The following B3GAT2 variants were observed in gnomAD, a reference collection of about 807,000 sequenced individuals.
B3GAT2 encodes beta-1,3-glucuronyltransferase 2.
B3GAT2 carries 26 observed loss-of-function variants against 27.8 expected under a neutral mutation model. The ratio of observed to expected loss-of-function variants is 0.93; its 90% CI spans 0.68 to 1.30. B3GAT2 has a LOEUF of 1.30. Ranked by LOEUF, B3GAT2 falls within the 50% of genes most tolerant of loss-of-function variation. B3GAT2 has a pLI of 0.00. For synonymous variants in B3GAT2, 218 were observed against 195.1 expected (o/e 1.12, Z -0.98); for missense variants, 458 against 459.0 (o/e 1.00, Z 0.02).
chr6:70,927,018 T>C (rs1289910264), intron 1 of B3GAT2, among the ~76,000 whole-genome samples: 3 of 152,300 alleles, frequency 2.0e-5, no homozygotes, highest in Non-Finnish European at 2.9e-5. Flanking sequence ...AGGGGGCCGA[T>C]ATTCAACATG....
chr6:70,888,087 G>A (rs1009428284), intron 2 of B3GAT2, among the ~76,000 whole-genome samples: 8 of 152,286 alleles, frequency 5.3e-5, no homozygotes, highest in South Asian at 2.1e-4. Flanking sequence ...GAGTGGACAC[G>A]GGAGAGGGCA....
rs561671666 is a variant in B3GAT2, at chr6:70,915,916, G to A, written c.592-21644C>T. ...TTTTTGGTTCCATATGAGCTTTAAA[G>A]TAGTTTTTTTCCAATTCTGTGAAGT... On this transcript the variant is annotated intron_variant, in intron 1 of 3. Coordinates refer to ENST00000230053, the MANE Select transcript of B3GAT2 (RefSeq NM_080742.3). Among the ~76,000 whole-genome samples the A allele has an allele frequency of 1.7e-4, 26 of 152,286 alleles. No individual in the cohort carries two copies. The South Asian group carries it at 2.1e-3, about 12-fold the overall frequency.
At chr6:70,926,617 G>A (rs950860217) in intron 1 of B3GAT2, among the ~76,000 whole-genome samples, 1 of 152,144 alleles carries the variant, frequency 6.6e-6, no homozygotes, top group Non-Finnish European at 1.5e-5. Context: ...GAGAAGAGAA[G>A]TTTAGAGACA....
At position 70,862,903 on chromosome 6, in the gene B3GAT2, T is replaced by C. The variant is rs372472898; in HGVS notation, c.737-925A>G. 3.3e-5 allele frequency among the ~76,000 whole-genome samples: 5 copies of C among 152,206 alleles called. No homozygotes were observed. The East Asian group carries it at 7.7e-4, about 24-fold the overall frequency. On this transcript the variant is annotated intron_variant, in intron 2 of 3. Coordinates refer to ENST00000230053, the MANE Select transcript of B3GAT2 (RefSeq NM_080742.3). ...GAGGTGGGAGGATTGCCTGAGCCTA[T>C]GAGGTTGTGGCTGCTGTGAGCTATG...
chr6:70,926,821 C>T (rs4571528), intron 1 of B3GAT2, among the ~76,000 whole-genome samples: 1 of 152,100 alleles, frequency 6.6e-6, no homozygotes, highest in Non-Finnish European at 1.5e-5. Context: ...AGGAAATACA[C>T]AGAACGCCAC....
At chr6:70,937,533 A>T (rs1014439067) in intron 1 of B3GAT2, among the ~76,000 whole-genome samples, 1 of 152,202 alleles carries the variant, frequency 6.6e-6, no homozygotes, top group Non-Finnish European at 1.5e-5. Flanking sequence ...ATCCAGCAGC[A>T]CATCAAAAAG....
chr6:70,924,602 T>C (rs1424368785), intron 1 of B3GAT2, among the ~76,000 whole-genome samples: 1 of 152,166 alleles, frequency 6.6e-6, no homozygotes, highest in Non-Finnish European at 1.5e-5. Flanking sequence ...ATAAACCCTA[T>C]GCAACCACCC....
intron 1 of B3GAT2, among the ~76,000 whole-genome samples, chr6:70,940,262 T>C (rs1045288223): frequency 2.6e-5 from 4 of 152,118 alleles, no homozygotes; most frequent in Non-Finnish European, 4.4e-5. Context: ...ACTTAAGCAA[T>C]GTTTGCAAAA....
intron 1 of B3GAT2, among the ~76,000 whole-genome samples, chr6:70,951,508 T>A (rs563547451): frequency 1.3e-5 from 2 of 152,214 alleles, no homozygotes; most frequent in Admixed American, 1.3e-4. Flanking sequence ...CGAGACAGAA[T>A]CATCAGTGAA....
intron 1 of B3GAT2, among the ~76,000 whole-genome samples, chr6:70,916,371 C>T (rs1772774443): frequency 6.6e-6 from 1 of 152,100 alleles, no homozygotes; most frequent in Non-Finnish European, 1.5e-5. Flanking sequence ...TCCTCTTTTC[C>T]TAATTGAATA....
chr6:70,949,121 T>G (rs559812562), intron 1 of B3GAT2, among the ~76,000 whole-genome samples: 12 of 152,064 alleles, frequency 7.9e-5, no homozygotes, highest in Non-Finnish European at 1.3e-4. Context: ...AACCTAGGCA[T>G]TACCATTCAG....
rs144234233 is a variant in B3GAT2 at position 70,862,482 on chromosome 6, C to T, written c.737-504G>A. Reference sequence around the variant, plus strand: ...GAAGAGGGAGCAACAGAAGTAAAGCCGATTAGCTGGAAAATGAATCATACC... The same window carrying T: ...GAAGAGGGAGCAACAGAAGTAAAGCTGATTAGCTGGAAAATGAATCATACC... On this transcript the variant is annotated intron_variant, in intron 2 of 3. Transcript: ENST00000230053. Among the ~76,000 whole-genome samples, 454 of 152,112 alleles carry T rather than the reference C, an allele frequency of 3.0e-3. 2 individuals carry two copies. Among genetic ancestry groups the T allele is most frequent in the Non-Finnish European group, 4.6e-3 (310 of 68,006 alleles).
At chr6:70,944,857 T>A (rs555653975) in intron 1 of B3GAT2, among the ~76,000 whole-genome samples, 40 of 152,196 alleles carry the variant, frequency 2.6e-4, no homozygotes, top group Non-Finnish European at 3.1e-4. Context: ...CACGGCCAGG[T>A]ACTCCTCTGA....
chr6:70,952,350 G>A (rs376384010), intron 1 of B3GAT2, among the ~76,000 whole-genome samples: 9 of 151,682 alleles, frequency 5.9e-5, no homozygotes, highest in Non-Finnish European at 1.3e-4. Context: ...TGCTTGGAAA[G>A]TGCTATTTTT....
intron 1 of B3GAT2, among the ~76,000 whole-genome samples, chr6:70,908,377 A>C (rs549727474): frequency 1.3e-5 from 2 of 152,336 alleles, no homozygotes; most frequent in South Asian, 4.1e-4. Context: ...ACTGAAGTTT[A>C]ATTTTTCCAC....
chr6:70,902,339 A>G (rs888843441), intron 1 of B3GAT2, among the ~76,000 whole-genome samples: 7 of 152,144 alleles, frequency 4.6e-5, no homozygotes, highest in African/African-American at 1.7e-4. Context: ...CATGCTAAAA[A>G]AAAAAAGTAG....
chr6:70,856,766 A>T lies in B3GAT2; in HGVS notation c.*4897T>A. Reference sequence around the variant, plus strand: ...TACCTTCTACAATTGTTTGATTCCTATCTAATTTTATAACTTTATTTGGAT... The same window carrying T: ...TACCTTCTACAATTGTTTGATTCCTTTCTAATTTTATAACTTTATTTGGAT... On this transcript the variant is annotated 3_prime_UTR_variant, in exon 4 of 4. Coordinates refer to ENST00000230053, the MANE Select transcript of B3GAT2 (RefSeq NM_080742.3). The T allele has an allele frequency of 7.7e-7, 1 of 1,292,824 alleles. No individual in the cohort carries two copies. The highest frequency in any genetic ancestry group is 1.0e-6 in the Non-Finnish European group (1 of 955,990). 80.1% of individuals were successfully genotyped at this position (1,292,824 alleles called of 1,614,324 possible).
At chr6:70,911,775 G>A (rs1376387888) in intron 1 of B3GAT2, among the ~76,000 whole-genome samples, 1 of 152,112 alleles carries the variant, frequency 6.6e-6, no homozygotes, top group East Asian at 1.9e-4. Flanking sequence ...TCCTATCCAC[G>A]AGCATGGAAT....
intron 1 of B3GAT2, among the ~76,000 whole-genome samples, chr6:70,930,723 T>G (rs1360545023): frequency 6.6e-6 from 1 of 152,192 alleles, no homozygotes; most frequent in Non-Finnish European, 1.5e-5. Context: ...AGGAACACTT[T>G]TACACTGTTG....
Sources: allele counts gnomAD v4.1 joint callset (sites outside exome capture counted in the v4.1 genomes callset), GRCh38; gene constraint gnomAD v4.1.1; transcripts MANE v1.5; gene names NCBI Gene and HGNC (gene_info 2026-07-23, HGNC 2026-07-21).